The following MYO3B variants were observed in gnomAD, a reference collection of about 807,000 sequenced individuals.
MYO3B encodes myosin-IIIb.
In MYO3B, 156 loss-of-function variants were observed where a neutral mutation model predicts 174.6. The ratio of observed to expected loss-of-function variants is 0.89; its 90% confidence interval spans 0.78 to 1.02. The LOEUF is 1.02. MYO3B is among the 50% of genes least tolerant of loss of function. The probability of loss-of-function intolerance (pLI) is 0.00; values close to 1 mark genes in which losing one functional copy is unlikely to be tolerated. For synonymous variants in MYO3B, 563 were observed against 569.1 expected (o/e 0.99, Z 0.15); for missense variants, 1,632 against 1,639.4 (o/e 1.00, Z 0.08).
chr2:170,481,234 A>G (rs570458582), intron 25 of MYO3B, among the ~76,000 whole-genome samples: 3 of 152,314 alleles, frequency 2.0e-5, no homozygotes, highest in Non-Finnish European at 2.9e-5. Context: ...GTCTGATATA[A>G]ACAGATCTTA....
intron 32 of MYO3B, among the ~76,000 whole-genome samples, chr2:170,598,081 T>G (rs1224552390): frequency 6.6e-6 from 1 of 152,236 alleles, no homozygotes; most frequent in Non-Finnish European, 1.5e-5. Context: ...CAAAACAGAC[T>G]TTAAGCACCA....
chr2:170,495,949 C>A (rs1022195196), intron 25 of MYO3B, among the ~76,000 whole-genome samples: 1 of 152,204 alleles, frequency 6.6e-6, no homozygotes, highest in Non-Finnish European at 1.5e-5. Context: ...TCCTGGAGAA[C>A]CTGGGGCTGA....
At chr2:170,241,141 T>TA (rs397970881) in intron 7 of MYO3B, among the ~76,000 whole-genome samples, 3 of 151,730 alleles carry the variant, frequency 2.0e-5, no homozygotes, top group Non-Finnish European at 2.9e-5. Flanking sequence ...TTTTTTTTTT[T>TA]AGTAGGAAAA....
chr2:170,287,892 G>A (rs1055453531), intron 7 of MYO3B, among the ~76,000 whole-genome samples: 3 of 151,952 alleles, frequency 2.0e-5, no homozygotes, highest in Non-Finnish European at 4.4e-5. Flanking sequence ...ATTTTGATTT[G>A]ACTTTTGTGT....
chr2:170,584,147 A>G (rs1299996973), intron 32 of MYO3B, among the ~76,000 whole-genome samples: 4 of 152,210 alleles, frequency 2.6e-5, no homozygotes, highest in African/African-American at 9.6e-5. Context: ...AATGAATCTG[A>G]ATTTTTTATT....
chr2:170,408,213 T>C (rs1444575101), intron 22 of MYO3B, among the ~76,000 whole-genome samples: 1 of 152,244 alleles, frequency 6.6e-6, no homozygotes, highest in Non-Finnish European at 1.5e-5. Context: ...GAAGATTATT[T>C]CTACTTGTGT....
chr2:170,436,092 G>A (rs1030588989), intron 22 of MYO3B, among the ~76,000 whole-genome samples: 5 of 152,170 alleles, frequency 3.3e-5, no homozygotes, highest in Non-Finnish European at 7.3e-5. Flanking sequence ...CTCCAATTCA[G>A]ATTCTCTCTT....
In MYO3B at chr2:170,178,286, C is replaced by A. The variant is rs962858017; in HGVS notation, c.-2C>A. ...AAGCCGGATTCAGAAAATAGGTCAT[C>A]GATGTGAGTTGCAGTTATTTTCCTT... is the stretch of plus-strand genomic sequence containing the variant. On this transcript the variant is annotated 5_prime_UTR_variant, in exon 1 of 35. Transcript: ENST00000408978. 5 of 1,613,972 alleles carry A rather than the reference C, an allele frequency of 3.1e-6. No individual in the cohort carries two copies. The African/African-American group carries it at 6.7e-5, about 22-fold the overall frequency.
intron 25 of MYO3B, among the ~76,000 whole-genome samples, chr2:170,491,917 G>A (rs927028515): frequency 1.3e-5 from 2 of 152,162 alleles, no homozygotes; most frequent in African/African-American, 2.4e-5. Flanking sequence ...AACCAGGTGT[G>A]GTGGCGCATG....
At position 170,635,098 on chromosome 2, in the gene MYO3B, G is replaced by C. The variant is rs550581305; in HGVS notation, c.3734-16530G>C. ...AACTAGAAATACCATTTGACCCAGG[G>C]ATCCCATTACTGGGTATATACCAAA... On this transcript the variant is annotated intron_variant, in intron 32 of 34. Transcript: ENST00000408978. 1.3e-4 allele frequency among the ~76,000 whole-genome samples: 20 copies of C among 152,210 alleles called. No homozygotes were observed. The South Asian group carries it at 2.3e-3, about 17-fold the overall frequency.
chr2:170,541,582 A>G (rs1690108128), intron 30 of MYO3B, among the ~76,000 whole-genome samples: 1 of 152,166 alleles, frequency 6.6e-6, no homozygotes, highest in South Asian at 2.1e-4. Flanking sequence ...TTTTTTTTAA[A>G]TGAAGTAGTA....
chr2:170,214,789 C>G lies in MYO3B; in HGVS notation c.487C>G (p.Leu163Val). 2 of 1,614,092 alleles carry G rather than the reference C, an allele frequency of 1.2e-6. No homozygotes were observed. The highest frequency in any genetic ancestry group is 1.7e-6 in the Non-Finnish European group (2 of 1,179,994). Residue 163 changes from leucine to valine, a missense_variant, in exon 5 of 35, where the codon CTT (leucine) becomes GTT (valine). Coordinates refer to ENST00000408978, the MANE Select transcript of MYO3B (RefSeq NM_138995.5). ...IHRDVKGNNI[L>V]LTTEGGVKLV... is the part of the protein sequence containing the mutation. ...CCGTGATGTGAAGGGGAATAACATT[C>G]TTCTGACAACAGAAGGAGGAGTTAA...
At chr2:170,455,559 CAT>C (rs1683859022) in intron 23 of MYO3B, among the ~76,000 whole-genome samples, 1 of 152,156 alleles carries the variant, frequency 6.6e-6, no homozygotes, top group Non-Finnish European at 1.5e-5. Context: ...TTATTTACCT[CAT>C]AGGTTATTTT....
chr2:170,575,705 A>C (rs970151454), intron 32 of MYO3B, among the ~76,000 whole-genome samples: 1 of 152,240 alleles, frequency 6.6e-6, no homozygotes, highest in African/African-American at 2.4e-5. Context: ...CTGGGTAACA[A>C]GATTATAGGC....
chr2:170,531,909 T>C (rs1262038744), intron 30 of MYO3B, among the ~76,000 whole-genome samples: 1 of 152,226 alleles, frequency 6.6e-6, no homozygotes, highest in Non-Finnish European at 1.5e-5. Flanking sequence ...AAAATAATTG[T>C]TTCAGGCAAT....
chr2:170,211,101 G>C (rs2092765271), intron 3 of MYO3B, among the ~76,000 whole-genome samples: 1 of 152,130 alleles, frequency 6.6e-6, no homozygotes, highest in South Asian at 2.1e-4. Flanking sequence ...TAATTCCTGG[G>C]GTTCCATGAG....
At chr2:170,505,023 G>A (rs1227346021) in intron 28 of MYO3B, among the ~76,000 whole-genome samples, 2 of 152,102 alleles carry the variant, frequency 1.3e-5, no homozygotes, top group African/African-American at 4.8e-5. Flanking sequence ...AAATACATGA[G>A]CTGGTGGTCT....
chr2:170,628,483 C>T (rs1362138945), intron 32 of MYO3B, among the ~76,000 whole-genome samples: 1 of 152,216 alleles, frequency 6.6e-6, no homozygotes, highest in Non-Finnish European at 1.5e-5. Context: ...TTCCCTGACC[C>T]CTTGTGCTTC....
intron 7 of MYO3B, 120 bp downstream of exon 7, chr2:170,236,256 A>G: frequency 8.1e-7 from 1 of 1,238,060 alleles, no homozygotes; most frequent in Admixed American, 2.1e-5. Context: ...ATTGTGAAAT[A>G]TATTTTCTTT....
Sources: allele counts gnomAD v4.1 joint callset (sites outside exome capture counted in the v4.1 genomes callset), GRCh38; gene constraint gnomAD v4.1.1; transcripts MANE v1.5; gene names NCBI Gene and HGNC (gene_info 2026-07-23, HGNC 2026-07-21).